The following MEGF8 variants were observed in gnomAD, a reference collection of about 807,000 sequenced individuals.
MEGF8 encodes multiple EGF like domains 8.
Under a neutral mutation model 302.9 loss-of-function variants are expected in MEGF8, and 156 were observed. The observed-to-expected ratio is 0.52, with a 90% confidence interval of 0.45 to 0.59. The LOEUF is 0.59. Ranked by LOEUF, MEGF8 falls within the 20% of genes least tolerant of loss-of-function variation. MEGF8 has a pLI of 0.00. For missense variants in MEGF8, 3,345 were observed against 3,964.5 expected (o/e 0.84, Z 4.20); for synonymous variants, 1,621 against 1,660.5 (o/e 0.98, Z 0.58).
chr19:42,370,875 G>GGGGGC, intron 40 of MEGF8, 44 bp downstream of exon 40: 1 of 220,732 alleles, frequency 4.5e-6, no homozygotes, highest in Non-Finnish European at 9.8e-6. Context: ...GGGGGGGGAG[G>GGGGGC]CCGGGGATCC....
At position 42,375,533 on chromosome 19, in the gene MEGF8, C is replaced by T. The variant is rs371582489; in HGVS notation, c.7296C>T (p.His2432=). The change falls in exon 42 of 42, where the codon CAC becomes CAT. Residue 2432 remains histidine, a synonymous_variant. Transcript: ENST00000251268. This position sits in a 1 kb window ranked among gnomAD's most constrained non-coding sequence, Gnocchi z 7.1. ...GCGCCAAGTGCCGGGAATCATTTCA[C>T]GGGAGTCCGCTGGGCGGCCAGCAGT... ...YQCAKCRESF[H]GSPLGGQQCY... The T allele has an allele frequency of 4.4e-5, 70 of 1,589,216 alleles. No homozygotes were observed. The highest frequency in any genetic ancestry group is 1.7e-4 in the Middle Eastern group (1 of 6,044).
Position 42,369,486 on chromosome 19 carries a change from C to A in MEGF8, c.6642-45C>A, listed in dbSNP as rs752587681. ...GGTTGGGTGCTAGGCCATGAAGCCA[C>A]GAGGAGGGTGGCCACCTGCCCTGAC... On this transcript the variant is annotated intron_variant, in intron 37 of 41. Transcript: ENST00000251268. This position sits in a 1 kb window ranked among gnomAD's most constrained non-coding sequence, Gnocchi z 5.7. The A allele has an allele frequency of 1.3e-6, 2 of 1,572,898 alleles. No individual in the cohort carries two copies. The highest frequency in any genetic ancestry group is 1.7e-6 in the Non-Finnish European group (2 of 1,161,960).
At chr19:42,362,918 G>T in intron 34 of MEGF8, 130 bp from the exon 35 acceptor site, 1 of 817,570 alleles carries the variant, frequency 1.2e-6, no homozygotes, top group East Asian at 2.7e-5. Flanking sequence ...GTCTGAGGGA[G>T]GAGGGGCTGG....
At position 42,360,848 on chromosome 19, in the gene MEGF8, T is replaced by A. The variant is rs749372231; in HGVS notation, c.5562T>A (p.Tyr1854Ter). 1.2e-6 allele frequency: 2 copies of A among 1,613,106 alleles called. No individual in the cohort carries two copies. Among genetic ancestry groups the A allele is most frequent in the Non-Finnish European group, 1.7e-6 (2 of 1,179,736 alleles). The change falls in exon 32 of 42, where the codon TAT becomes TAA. Residue 1854 changes from tyrosine to a stop codon, truncating the protein, a stop_gained. Coordinates refer to ENST00000251268, the MANE Select transcript of MEGF8 (RefSeq NM_001271938.2). LOFTEE classifies it high-confidence loss of function. ...TGGCAGCAGTCGGGAGCCGCCTGTA[T>A]ATCTCTGGGGGTTTCGGGGGAGTGG... ...HAVAAVGSRL[Y>*]ISGGFGGVAL...
intron 15 of MEGF8, 84 bp downstream of exon 15, chr19:42,350,468 G>C (rs1338963547): frequency 3.1e-6 from 4 of 1,275,698 alleles, no homozygotes; most frequent in Non-Finnish European, 4.2e-6. Context: ...CCTGGTGGGG[G>C]GTGTGGGGGA....
Position 42,368,436 on chromosome 19 carries a change from TC to T in MEGF8, c.6274-15del, listed in dbSNP as rs762229997. The T allele has an allele frequency of 8.2e-7, 1 of 1,219,704 alleles. No homozygotes were observed. The highest frequency in any genetic ancestry group is 1.5e-5 in the African/African-American group (1 of 66,926). The allele number at this position is 1,219,704 out of a possible 1,614,324, so 75.6% of individuals were successfully genotyped here. ...CATCTCTCTCTTCCCTGCATCCCCA[TC>T]CCCTCCCCCCCATACAGTGTCTGAG... On this transcript the variant is annotated intron_variant, in intron 35 of 41. Transcript: ENST00000251268. The surrounding 1 kb of genome is among the most constrained non-coding windows in gnomAD (Gnocchi z 4.9).
At position 42,352,062 on chromosome 19, in the gene MEGF8, A is replaced by T; in HGVS notation, c.3102-146A>T. On this transcript the variant is annotated intron_variant, in intron 18 of 41. Transcript: ENST00000251268. This position sits in a 1 kb window ranked among gnomAD's most constrained non-coding sequence, Gnocchi z 4.4. Reference sequence around the variant, plus strand: ...TCTTCCAAAATTGTTTTTGTCTGCGACTTCTCCTGGTTTCTCTGTCTCTCT... The same window carrying T: ...TCTTCCAAAATTGTTTTTGTCTGCGTCTTCTCCTGGTTTCTCTGTCTCTCT... 8.9e-7 allele frequency: 1 copy of T among 1,128,184 alleles called. No homozygotes were observed. Among genetic ancestry groups the T allele is most frequent in the South Asian group, 1.7e-5 (1 of 57,824 alleles). 69.9% of individuals were successfully genotyped at this position (1,128,184 alleles called of 1,614,324 possible).
In MEGF8 at chr19:42,336,346, G is replaced by A. The variant is rs760723521; in HGVS notation, c.1244G>A (p.Arg415Gln). Residue 415 changes from arginine to glutamine, a missense_variant and splice_region_variant, in exon 6 of 42, where the codon CGG (arginine) becomes CAG (glutamine). Physicochemically the swap from Arg to Gln is conservative, Grantham distance 43. Coordinates refer to ENST00000251268, the MANE Select transcript of MEGF8 (RefSeq NM_001271938.2). The surrounding 1 kb of genome is among the most constrained non-coding windows in gnomAD (Gnocchi z 4.8). ...VHGGHRPSTA[R>Q]FSVRVNSTEL... ...GGTGGACACCGGCCCTCCACTGCCC[G>A]GTAAGTGACCTGTCCCATAACCCAT... 14 of 1,588,686 alleles carry A rather than the reference G, an allele frequency of 8.8e-6. No homozygotes were observed. Among genetic ancestry groups the A allele is most frequent in the East Asian group, 6.7e-5 (3 of 44,640 alleles).
At chr19:42,348,775 C>T (rs1468448041) in intron 13 of MEGF8, among the ~76,000 whole-genome samples, 2 of 152,132 alleles carry the variant, frequency 1.3e-5, no homozygotes, top group African/African-American at 2.4e-5. Context: ...AATTTTTTTG[C>T]ATTTTAAGTA....
chr19:42,334,922 C>A (rs2039104714), intron 3 of MEGF8, 113 bp from the exon 4 acceptor site: 2 of 1,022,264 alleles, frequency 2.0e-6, no homozygotes, highest in Non-Finnish European at 2.8e-6. Flanking sequence ...CTTTCTCTCT[C>A]CCTTTGTGCC....
At chr19:42,326,452 A>G in intron 1 of MEGF8, 22 bp downstream of exon 1, 24 of 1,509,712 alleles carry the variant, frequency 1.6e-5, no homozygotes, top group Non-Finnish European at 2.1e-5. Context: ...CGCGTGGGTC[A>G]CTCACTAATT....
intron 41 of MEGF8, among the ~76,000 whole-genome samples, chr19:42,373,685 C>T (rs181719947): frequency 2.2e-4 from 33 of 149,496 alleles, no homozygotes; most frequent in African/African-American, 5.2e-4. Context: ...CGTGAGCCAC[C>T]GTGCCTGGTT....
rs201858033 is a variant in MEGF8, at chr19:42,368,656, C to T, written c.6475C>T (p.Arg2159Cys). 3.6e-5 allele frequency: 55 copies of T among 1,543,978 alleles called. No individual in the cohort carries two copies. The highest frequency in any genetic ancestry group is 1.2e-4 in the East Asian group (5 of 42,998). Residue 2159 changes from arginine (R) to cysteine (C), a missense_variant, in exon 36 of 42, where the codon CGT (arginine) becomes TGT (cysteine). Coordinates refer to ENST00000251268, the MANE Select transcript of MEGF8 (RefSeq NM_001271938.2). This position sits in a 1 kb window ranked among gnomAD's most constrained non-coding sequence, Gnocchi z 4.9. ...RCMEGGLSGP[R>C]DGLTCGRPGA... Reference sequence around the variant, plus strand: ...CATGGAGGGTGGACTCAGCGGCCCCCGTGATGGTGAGAGGGCTTTGGGCAC... The same window carrying T: ...CATGGAGGGTGGACTCAGCGGCCCCTGTGATGGTGAGAGGGCTTTGGGCAC...
Position 42,376,846 on chromosome 19 carries a change from C to T in MEGF8, c.*71C>T. On this transcript the variant is annotated 3_prime_UTR_variant, in exon 42 of 42. Coordinates refer to ENST00000251268, the MANE Select transcript of MEGF8 (RefSeq NM_001271938.2). The surrounding 1 kb of genome is among the most constrained non-coding windows in gnomAD (Gnocchi z 8.2). ...CCGCCCTGGACTTGGGGTCCCTCCA[C>T]CTGGGGGCCCCTGGACACTGTCTAC... 1 of 1,399,296 alleles carries T rather than the reference C, an allele frequency of 7.1e-7. No homozygotes were observed. The highest frequency in any genetic ancestry group is 1.6e-5 in the South Asian group (1 of 63,536). 86.7% of individuals were successfully genotyped at this position (1,399,296 alleles called of 1,614,324 possible).
rs959864406 is a variant in MEGF8, at chr19:42,362,533, T to A, written c.5994T>A (p.Ala1998=). The A allele has an allele frequency of 6.2e-7, 1 of 1,613,752 alleles. No homozygotes were observed. The highest frequency in any genetic ancestry group is 8.5e-7 in the Non-Finnish European group (1 of 1,179,894). The change falls in exon 34 of 42, where the codon GCT becomes GCA. Residue 1998 remains alanine, a synonymous_variant. Coordinates refer to ENST00000251268, the MANE Select transcript of MEGF8 (RefSeq NM_001271938.2). ...AGNCSEAACG[A]ADCEQCTREG... is the part of the protein sequence containing the mutation. ...ACTGCTCCGAGGCTGCGTGCGGGGC[T>A]GCTGACTGCGAGCAGTGCACGCGGG...
intron 8 of MEGF8, among the ~76,000 whole-genome samples, chr19:42,340,499 G>T (rs2039196643): frequency 6.6e-6 from 1 of 152,168 alleles, no homozygotes. Context: ...AAAGTGCTGG[G>T]ATTACAGGCG....
Position 42,357,102 on chromosome 19 carries a change from C to A in MEGF8, c.4830+121C>A. 1.8e-6 allele frequency: 2 copies of A among 1,108,436 alleles called. No homozygotes were observed. Among genetic ancestry groups the A allele is most frequent in the Non-Finnish European group, 2.5e-6 (2 of 789,972 alleles). 68.7% of individuals were successfully genotyped at this position (1,108,436 alleles called of 1,614,324 possible). On this transcript the variant is annotated intron_variant, in intron 27 of 41. Coordinates refer to ENST00000251268, the MANE Select transcript of MEGF8 (RefSeq NM_001271938.2). The surrounding 1 kb of genome is among the most constrained non-coding windows in gnomAD (Gnocchi z 5.2). ...CAGAAGCCCCAAACTTGAATTTCCT[C>A]GGCCATCCTGGGTCACACTGTTGTC...
chr19:42,338,003 A>T (rs760688839), intron 8 of MEGF8, among the ~76,000 whole-genome samples: 4 of 151,772 alleles, frequency 2.6e-5, no homozygotes, highest in Non-Finnish European at 4.4e-5. Flanking sequence ...ACAGTGTTTC[A>T]TCATGTTGGC....
rs761549703 is a variant in MEGF8, at chr19:42,326,215, C to G, written c.-29C>G. The G allele has an allele frequency of 1.4e-6, 2 of 1,474,618 alleles. No individual in the cohort carries two copies. The highest frequency in any genetic ancestry group is 5.5e-5 in the East Asian group (2 of 36,620). 91.3% of individuals were successfully genotyped at this position (1,474,618 alleles called of 1,614,324 possible). A position where few individuals can be genotyped will look rare whatever the true frequency, so the allele number is the denominator to read the frequency against. On this transcript the variant is annotated 5_prime_UTR_variant, in exon 1 of 42. Transcript: ENST00000251268. ...TCTCCAGGTTTTTACGGCCTGTCCC[C>G]GCTCTAAGGGTCAGTGCAGGAGGCG...
Sources: gnomAD v4.1 joint callset for allele counts (sites outside exome capture counted in the v4.1 genomes callset) on GRCh38, gnomAD v4.1.1 for gene constraint, Gnocchi (gnomAD v3.1) non-coding constraint, MANE v1.5 for transcripts, NCBI Gene and HGNC (gene_info 2026-07-23, HGNC 2026-07-21) for gene names.